TMEM117: variants seen among roughly 807,000 people sequenced by gnomAD.
The protein encoded by TMEM117 is transmembrane protein 117.
Under a neutral mutation model 52.4 loss-of-function variants are expected in TMEM117, and 27 were observed. The observed-to-expected ratio is 0.51, with a 90% CI of 0.38 to 0.71. The LOEUF (loss-of-function observed/expected upper bound fraction) is 0.71. Ranked by LOEUF, TMEM117 falls within the 30% of genes least tolerant of loss-of-function variation. TMEM117 has a pLI of 0.00. For missense variants in TMEM117, 556 were observed against 630.5 expected, an observed-to-expected ratio of 0.88 and a Z score of 1.26; for synonymous variants, 215 against 206.3, an observed-to-expected ratio of 1.04 and a Z score of -0.36.
chr12:44,276,328 T>A (rs929665697), intron 5 of TMEM117, among the ~76,000 whole-genome samples: 4 of 152,074 alleles, frequency 2.6e-5, no homozygotes, highest in Admixed American at 2.0e-4. Context: ...AAGAAGGAAA[T>A]CCTATCATTT....
At chr12:44,001,461 A>T (rs549336672) in intron 3 of TMEM117, among the ~76,000 whole-genome samples, 9 of 152,278 alleles carry the variant, frequency 5.9e-5, no homozygotes, top group African/African-American at 2.2e-4. Context: ...TGAAGTAGCA[A>T]CTGTGGTATA....
intron 3 of TMEM117, among the ~76,000 whole-genome samples, chr12:44,064,857 G>A (rs1947197863): frequency 6.6e-6 from 1 of 152,158 alleles, no homozygotes; most frequent in East Asian, 1.9e-4. Flanking sequence ...ATATTGTATT[G>A]TGTTTGTGAT....
chr12:43,898,572 C>T (rs1944252251), intron 2 of TMEM117, among the ~76,000 whole-genome samples: 1 of 151,822 alleles, frequency 6.6e-6, no homozygotes, highest in South Asian at 2.1e-4. Flanking sequence ...CTTTAGATAT[C>T]TAGGATACAG....
At chr12:44,234,221 G>A (rs577432378) in intron 5 of TMEM117, among the ~76,000 whole-genome samples, 77 of 151,536 alleles carry the variant, frequency 5.1e-4, no homozygotes, top group African/African-American at 1.7e-3. Context: ...AGGCATTTGG[G>A]ACAAGAGCTT....
intron 2 of TMEM117, among the ~76,000 whole-genome samples, chr12:43,898,268 A>G (rs1944244584): frequency 6.6e-6 from 1 of 151,854 alleles, no homozygotes; most frequent in Admixed American, 6.6e-5. Context: ...TTAATGGTGT[A>G]ATTTTTCTCT....
chr12:44,316,778 A>AT (rs1294033638), intron 6 of TMEM117, among the ~76,000 whole-genome samples: 1 of 151,682 alleles, frequency 6.6e-6, no homozygotes, highest in Non-Finnish European at 1.5e-5. Flanking sequence ...GTTCATTAAA[A>AT]TTTTTTTTCT....
intron 3 of TMEM117, among the ~76,000 whole-genome samples, chr12:43,948,548 G>A (rs537241579): frequency 6.6e-5 from 10 of 152,146 alleles, no homozygotes; most frequent in Admixed American, 2.0e-4. Context: ...CTCGTGATCC[G>A]CCTGCCTCAG....
intron 4 of TMEM117, among the ~76,000 whole-genome samples, chr12:44,184,121 G>T (rs947424689): frequency 6.6e-6 from 1 of 152,064 alleles, no homozygotes; most frequent in African/African-American, 2.4e-5. Flanking sequence ...TGAGGCGGGC[G>T]GATCACTTGA....
chr12:43,806,148 G>A, the TMEM117 span: 1 of 1,490,136 alleles, frequency 6.7e-7, no homozygotes, highest in Non-Finnish European at 9.0e-7. Flanking sequence ...AGCCCTGCCG[G>A]TCCTGCAGCC....
rs549454128 is a variant in TMEM117 at position 44,082,788 on chromosome 12, T to G, written c.411-60737T>G. On this transcript the variant is annotated intron_variant, in intron 3 of 7. Transcript: ENST00000266534. ...GGAATCAGAACAATACTAGTAGCCT[T>G]ACACTGAATCCCTTCACAAATAGTG... 2.0e-5 allele frequency among the ~76,000 whole-genome samples: 3 copies of G among 152,272 alleles called. No individual in the cohort carries two copies. In the South Asian group the frequency reaches 6.2e-4, roughly 32 times the overall value.
intron 2 of TMEM117, among the ~76,000 whole-genome samples, chr12:43,892,166 T>C (rs1731458): frequency 0.72 from 109,023 of 152,064 alleles, 42,196 homozygotes; most frequent in East Asian, 0.87. Context: ...AGAAAGAATC[T>C]AAAAGAAAGT....
chr12:44,030,269 C>A (rs1946612127), intron 3 of TMEM117, among the ~76,000 whole-genome samples: 1 of 152,206 alleles, frequency 6.6e-6, no homozygotes, highest in Non-Finnish European at 1.5e-5. Flanking sequence ...AGGTCATAAA[C>A]TGCTTCTTTG....
intron 5 of TMEM117, among the ~76,000 whole-genome samples, chr12:44,231,576 A>G (rs1949933695): frequency 6.6e-6 from 1 of 151,230 alleles, no homozygotes; most frequent in East Asian, 1.9e-4. Context: ...ATCACTTTAC[A>G]CCCCCACAAT....
chr12:44,390,722 C>T (rs1436359657), downstream of TMEM117, among the ~76,000 whole-genome samples: 1 of 152,032 alleles, frequency 6.6e-6, no homozygotes, highest in Non-Finnish European at 1.5e-5. Context: ...TCAAACAAGA[C>T]TTCAGCCTTC....
chr12:44,263,280 T>C (rs1950341239), intron 5 of TMEM117, among the ~76,000 whole-genome samples: 1 of 152,116 alleles, frequency 6.6e-6, no homozygotes, highest in South Asian at 2.1e-4. Context: ...ATTAGAGAAA[T>C]GCAAATCAAA....
rs117923899 is a variant in TMEM117, at chr12:44,132,072, T to A, written c.411-11453T>A. On this transcript the variant is annotated intron_variant, in intron 3 of 7. Transcript: ENST00000266534. ...TGACTGGGAAGTCTCTGTGCATGGA[T>A]AGGCTTATTGATGGATAAGAATTAG... Among the ~76,000 whole-genome samples the A allele has an allele frequency of 5.5e-3, 837 of 152,252 alleles. 3 individuals are homozygous for A. The highest frequency in any genetic ancestry group is 8.9e-3 in the Non-Finnish European group (603 of 68,014).
chr12:44,363,103 C>A (rs1208130410), intron 6 of TMEM117, among the ~76,000 whole-genome samples: 2 of 152,290 alleles, frequency 1.3e-5, no homozygotes, highest in East Asian at 3.9e-4. Flanking sequence ...AGCTGAATTA[C>A]TTGCCATCAT....
chr12:44,317,283 A>ATT (rs1266215763), intron 6 of TMEM117, among the ~76,000 whole-genome samples: 1 of 132,834 alleles, frequency 7.5e-6, no homozygotes, highest in African/African-American at 3.1e-5. Context: ...TTCTTTCCCT[A>ATT]TTATATATAT....
chr12:44,359,100 A>G (rs1357826188), intron 6 of TMEM117, among the ~76,000 whole-genome samples: 3 of 152,114 alleles, frequency 2.0e-5, no homozygotes, highest in Admixed American at 6.6e-5. Context: ...TTCTCCAACC[A>G]AAAGTAAATA....
Sources: allele counts gnomAD v4.1 joint callset (sites outside exome capture counted in the v4.1 genomes callset), GRCh38; gene constraint gnomAD v4.1.1; transcripts MANE v1.5; gene names NCBI Gene and HGNC (gene_info 2026-07-23, HGNC 2026-07-21).